Variants in SEC24B observed in about 807,000 individuals in gnomAD.
SEC24B encodes the protein protein transport protein Sec24B.
A neutral mutation model predicts 142.8 loss-of-function variants in SEC24B; 45 were observed. The ratio of observed to expected loss-of-function variants is 0.32; its 90% confidence interval spans 0.25 to 0.40. The LOEUF (loss-of-function observed/expected upper bound fraction) is 0.40, where lower values mean the gene tolerates loss of function less well. Ranked by LOEUF, SEC24B falls within the 10% of genes least tolerant of loss-of-function variation. The probability of loss-of-function intolerance (pLI) is 1.00; values close to 1 mark genes in which losing one functional copy is unlikely to be tolerated. For synonymous variants in SEC24B, 574 were observed against 568.2 expected, an observed-to-expected ratio of 1.01 and a Z score of -0.15; for missense variants, 1,409 against 1,526.8, an observed-to-expected ratio of 0.92 and a Z score of 1.29.
At chr4:109,515,337 G>A (rs147443408) in intron 10 of SEC24B, among the ~76,000 whole-genome samples, 2,255 of 152,186 alleles carry the variant, frequency 0.015, 38 homozygotes, top group African/African-American at 0.038. Flanking sequence ...TCCTGACCTC[G>A]TAATCCACCG....
chr4:109,524,644 T>G (rs922257709), intron 14 of SEC24B, among the ~76,000 whole-genome samples, 174 bp from the exon 15 acceptor site: 7 of 151,588 alleles, frequency 4.6e-5, no homozygotes, highest in Admixed American at 2.0e-4. Flanking sequence ...TAAGTGTTTT[T>G]TATAAAGATT....
intron 1 of SEC24B, among the ~76,000 whole-genome samples, chr4:109,454,462 C>G (rs1400286787): frequency 6.6e-6 from 1 of 151,874 alleles, no homozygotes; most frequent in Non-Finnish European, 1.5e-5. Flanking sequence ...TCACTTGAAC[C>G]CTCAGGTGGA....
chr4:109,478,670 T>A (rs576765558), intron 3 of SEC24B, among the ~76,000 whole-genome samples: 1 of 152,212 alleles, frequency 6.6e-6, no homozygotes, highest in Non-Finnish European at 1.5e-5. Flanking sequence ...ACGCTCCTTC[T>A]CTGTTCAGTA....
intron 12 of SEC24B, among the ~76,000 whole-genome samples, chr4:109,520,914 C>T (rs1323524457): frequency 1.3e-5 from 2 of 152,150 alleles, no homozygotes; most frequent in South Asian, 2.1e-4. Flanking sequence ...ATCGCTTGAA[C>T]CCGGGAGGTG....
intron 1 of SEC24B, among the ~76,000 whole-genome samples, chr4:109,453,860 C>T (rs1730392851): frequency 6.6e-6 from 1 of 152,066 alleles, no homozygotes; most frequent in South Asian, 2.1e-4. Context: ...GTTCGGTATC[C>T]CTGACTTCCC....
intron 8 of SEC24B, among the ~76,000 whole-genome samples, chr4:109,510,347 T>C (rs1426272049): frequency 2.6e-5 from 4 of 152,208 alleles, no homozygotes; most frequent in Non-Finnish European, 4.4e-5. Flanking sequence ...AAAAAGTTCT[T>C]ATCTAACAGG....
chr4:109,465,677 C>A (rs1731784759), intron 2 of SEC24B, among the ~76,000 whole-genome samples: 1 of 152,080 alleles, frequency 6.6e-6, no homozygotes, highest in South Asian at 2.1e-4. Flanking sequence ...AAATAGCACC[C>A]TGGATGGAAC....
At chr4:109,508,155 G>C (rs1736916713) in intron 7 of SEC24B, among the ~76,000 whole-genome samples, 1 of 152,120 alleles carries the variant, frequency 6.6e-6, no homozygotes, top group Non-Finnish European at 1.5e-5. Context: ...AGAGTGTCAT[G>C]GATTATAGGT....
Position 109,524,789 on chromosome 4 carries a change from A to G in SEC24B, c.2509-29A>G, listed in dbSNP as rs6533431. The stretch of plus-strand genomic sequence containing the variant: ...TGAAAATATGAGCATAAAGATTGCT[A>G]GCTCTTACTATATGATCTGTTGACT... On this transcript the variant is annotated intron_variant, in intron 14 of 23. Transcript: ENST00000265175. The G allele has an allele frequency of 0.023, 36,058 of 1,585,562 alleles. 6,399 individuals carry two copies. In the African/African-American group the frequency reaches 0.4, roughly 18 times the overall value.
At chr4:109,529,008 C>T (rs1206370808) in intron 18 of SEC24B, among the ~76,000 whole-genome samples, 2 of 152,032 alleles carry the variant, frequency 1.3e-5, no homozygotes, top group African/African-American at 4.8e-5. Context: ...ACTAAAAATA[C>T]AAAAATTAGC....
chr4:109,463,750 C>G (rs1731559994), intron 2 of SEC24B, 106 bp downstream of exon 2: 1 of 1,478,828 alleles, frequency 6.8e-7, no homozygotes, highest in East Asian at 2.3e-5. Flanking sequence ...AATAGAAAAA[C>G]TGGAAGTTTG....
At chr4:109,495,093 A>G (rs750835072) in intron 6 of SEC24B, among the ~76,000 whole-genome samples, 32 of 152,194 alleles carry the variant, frequency 2.1e-4, no homozygotes, top group Non-Finnish European at 3.8e-4. Flanking sequence ...AAGATATTAG[A>G]TATGATTTTA....
chr4:109,538,539 C>T lies in SEC24B; in HGVS notation c.3635C>T (p.Ser1212Phe). The T allele has an allele frequency of 6.2e-7, 1 of 1,613,350 alleles. No homozygotes were observed. The highest frequency in any genetic ancestry group is 8.5e-7 in the Non-Finnish European group (1 of 1,179,378). ...LDTLSSERARSFITWLRDSRP... is the reference protein window; with the variant it reads ...LDTLSSERARFFITWLRDSRP... ...ACACTTTCATCAGAAAGAGCCAGAT[C>T]CTTCATAACTTGGCTTAGAGACAGC... Residue 1212 changes from serine (S) to phenylalanine (F), a missense_variant, in exon 23 of 24, where the codon TCC becomes TTC. Coordinates refer to ENST00000265175, the MANE Select transcript of SEC24B (RefSeq NM_006323.5).
chr4:109,451,936 G>T (rs1270170906), intron 1 of SEC24B, among the ~76,000 whole-genome samples: 1 of 152,008 alleles, frequency 6.6e-6, no homozygotes, highest in Non-Finnish European at 1.5e-5. Flanking sequence ...TGATATCCTG[G>T]TTGATTTTTA....
chr4:109,483,465 TGTG>T (rs142929558), intron 4 of SEC24B, among the ~76,000 whole-genome samples: 399 of 152,270 alleles, frequency 2.6e-3, no homozygotes, highest in African/African-American at 9.1e-3. Context: ...ATTTTCCACT[TGTG>T]GTGTCATGTC....
chr4:109,490,659 T>C lies in SEC24B; in HGVS notation c.1166-668T>C, dbSNP rs1369936043. 3.9e-5 allele frequency among the ~76,000 whole-genome samples: 6 copies of C among 152,272 alleles called. No homozygotes were observed. In the East Asian group the frequency reaches 1.2e-3, roughly 29 times the overall value. ...ACCTGTGACCACATTTCATCATAAA[T>C]TGTCACTGAACTCTCATCTTAACAG... On this transcript the variant is annotated intron_variant, in intron 4 of 23. Transcript: ENST00000265175.
At chr4:109,457,128 G>A (rs761472642) in intron 1 of SEC24B, among the ~76,000 whole-genome samples, 1 of 152,190 alleles carries the variant, frequency 6.6e-6, no homozygotes, top group Non-Finnish European at 1.5e-5. Flanking sequence ...TTTCCCCAAA[G>A]AGTTTCTGGC....
chr4:109,474,288 G>A (rs938093687), intron 3 of SEC24B, among the ~76,000 whole-genome samples: 6 of 152,160 alleles, frequency 3.9e-5, no homozygotes, highest in African/African-American at 1.4e-4. Flanking sequence ...AAAGCTTTTA[G>A]GATAGATCAA....
intron 1 of SEC24B, among the ~76,000 whole-genome samples, chr4:109,462,504 G>C (rs531070954): frequency 2.0e-5 from 3 of 152,328 alleles, no homozygotes; most frequent in Admixed American, 2.0e-4. Flanking sequence ...TGGCCAGAGA[G>C]TTAAGTTCCT....
Sources: allele counts gnomAD v4.1 joint callset (sites outside exome capture counted in the v4.1 genomes callset), GRCh38; gene constraint gnomAD v4.1.1; transcripts MANE v1.5; gene names NCBI Gene and HGNC (gene_info 2026-07-23, HGNC 2026-07-21).